CHRM3: variants seen among roughly 807,000 people sequenced by gnomAD.
CHRM3 encodes cholinergic receptor muscarinic 3.
CHRM3 carries 11 observed loss-of-function variants against 41.8 expected under a neutral mutation model. The ratio of observed to expected loss-of-function variants is 0.26; its 90% CI spans 0.17 to 0.44. The LOEUF is 0.44. Among genes scored for constraint, CHRM3 ranks in the 20% least tolerant of loss-of-function variants. CHRM3 has a pLI of 1.00. For missense variants in CHRM3, 571 were observed against 745.4 expected (o/e 0.77, Z 2.72); for synonymous variants, 297 against 301.4 (o/e 0.99, Z 0.15).
chr1:239,835,939 T>C (rs1386821318), intron 6 of CHRM3, among the ~76,000 whole-genome samples: 2 of 152,248 alleles, frequency 1.3e-5, no homozygotes, highest in Admixed American at 6.5e-5. Flanking sequence ...AGGATCCAAA[T>C]TGCCAACTTT....
chr1:239,707,067 A>G (rs1661262261), intron 5 of CHRM3: 1 of 152,208 alleles, frequency 6.6e-6, no homozygotes, highest in South Asian at 2.1e-4. Context: ...GAGCTCCACA[A>G]ACAATTTTCT....
rs142436022 is a variant in CHRM3 at position 239,820,673 on chromosome 1, G to A, written c.-146-6579G>A. The stretch of plus-strand genomic sequence containing the variant: ...CATATTTTGGGGTACTGGTTTGTGC[G>A]CCCCAGCAACAGGAAGATGCCATGT... On this transcript the variant is annotated intron_variant, in intron 5 of 6. Coordinates refer to ENST00000676153, the MANE Select transcript of CHRM3 (RefSeq NM_001375978.1). 5.4e-3 allele frequency among the ~76,000 whole-genome samples: 819 copies of A among 152,024 alleles called. 2 individuals are homozygous for A. Among genetic ancestry groups the A allele is most frequent in the Middle Eastern group, 0.014 (4 of 294 alleles).
At chr1:239,413,041 C>G (rs1156771392) in intron 1 of CHRM3, among the ~76,000 whole-genome samples, 1 of 151,560 alleles carries the variant, frequency 6.6e-6, no homozygotes, top group African/African-American at 2.4e-5. Flanking sequence ...TCCCGTCACT[C>G]CATTCCAGCC....
At chr1:239,397,659 G>A (rs950617125) in intron 1 of CHRM3, among the ~76,000 whole-genome samples, 12 of 148,870 alleles carry the variant, frequency 8.1e-5, no homozygotes, top group African/African-American at 2.9e-4. Flanking sequence ...GCAACAGAGC[G>A]AGACTCTGTC....
chr1:239,542,956 A>G (rs928109314), intron 2 of CHRM3, among the ~76,000 whole-genome samples: 5 of 152,136 alleles, frequency 3.3e-5, no homozygotes, highest in Non-Finnish European at 7.3e-5. Flanking sequence ...TTCGTTTTAC[A>G]TTTTTACCAT....
intron 6 of CHRM3, among the ~76,000 whole-genome samples, chr1:239,898,848 T>G (rs577108448): frequency 7.2e-5 from 11 of 152,304 alleles, no homozygotes; most frequent in African/African-American, 1.9e-4. Flanking sequence ...ATTTTTAAAT[T>G]TTTTAAATTT....
intron 4 of CHRM3, among the ~76,000 whole-genome samples, chr1:239,639,268 A>G (rs758463222): frequency 1.2e-4 from 18 of 152,030 alleles, no homozygotes; most frequent in Non-Finnish European, 1.9e-4. Context: ...GTTCCATATG[A>G]ACTTTAAAGT....
At chr1:239,412,915 TA>T (rs1255988261) in intron 1 of CHRM3, among the ~76,000 whole-genome samples, 2 of 151,624 alleles carry the variant, frequency 1.3e-5, no homozygotes, top group Non-Finnish European at 2.9e-5. Flanking sequence ...CCGTCTCTAC[TA>T]AAAATACAAA....
At chr1:239,596,219 A>C (rs562922916) in intron 3 of CHRM3, among the ~76,000 whole-genome samples, 1 of 152,314 alleles carries the variant, frequency 6.6e-6, no homozygotes, top group Admixed American at 6.5e-5. Flanking sequence ...CTTTACATGA[A>C]AGGCATTTAC....
intron 3 of CHRM3, among the ~76,000 whole-genome samples, chr1:239,577,884 C>T (rs1214762911): frequency 6.6e-6 from 1 of 152,062 alleles, no homozygotes; most frequent in Admixed American, 6.6e-5. Flanking sequence ...GGCAAGCATA[C>T]GGATCCCCCA....
intron 1 of CHRM3, among the ~76,000 whole-genome samples, chr1:239,451,417 A>G (rs925754720): frequency 2.0e-5 from 3 of 152,188 alleles, no homozygotes; most frequent in African/African-American, 7.2e-5. Flanking sequence ...GAGAGCTGAC[A>G]TCTCAGGGTG....
intron 5 of CHRM3, among the ~76,000 whole-genome samples, chr1:239,768,767 AT>A (rs34982165): frequency 0.71 from 101,012 of 142,730 alleles, 35,756 homozygotes; most frequent in Non-Finnish European, 0.74. Context: ...TTAAATGATA[AT>A]TTTTTTTTTT....
intron 6 of CHRM3, among the ~76,000 whole-genome samples, chr1:239,867,896 A>C (rs1227545569): frequency 6.6e-6 from 1 of 152,128 alleles, no homozygotes; most frequent in Non-Finnish European, 1.5e-5. Context: ...CAGTCCCCGG[A>C]AGTGACAGGC....
At chr1:239,849,632 A>G (rs1372036208) in intron 6 of CHRM3, among the ~76,000 whole-genome samples, 1 of 152,228 alleles carries the variant, frequency 6.6e-6, no homozygotes, top group Non-Finnish European at 1.5e-5. Context: ...AGCTAGTAGC[A>G]AAAGGTACAA....
At chr1:239,692,438 C>G (rs1659808489) in intron 5 of CHRM3, among the ~76,000 whole-genome samples, 1 of 152,084 alleles carries the variant, frequency 6.6e-6, no homozygotes, top group East Asian at 1.9e-4. Context: ...AAAGAAGGGA[C>G]TGTGTGTCTC....
chr1:239,859,819 TTATA>T lies in CHRM3; in HGVS notation c.-20+32470_-20+32473del, dbSNP rs55700294. The stretch of plus-strand genomic sequence containing the variant: ...AAATTATATATAAGTTCTAAGTGTT[TTATA>T]TATATATATATATATATATATATAT... On this transcript the variant is annotated intron_variant, in intron 6 of 6. Transcript: ENST00000676153. 5.5e-3 allele frequency among the ~76,000 whole-genome samples: 721 copies of T among 131,412 alleles called. 9 individuals are homozygous for T. Among genetic ancestry groups the T allele is most frequent in the African/African-American group, 0.02 (658 of 32,988 alleles). The allele number at this position is 131,412 out of a possible 152,430, so 86.2% of individuals were successfully genotyped here.
intron 5 of CHRM3, among the ~76,000 whole-genome samples, chr1:239,702,445 C>T (rs957407982): frequency 1.3e-5 from 2 of 152,200 alleles, no homozygotes. Flanking sequence ...TCTGAGCTAA[C>T]TTTCACAAAT....
intron 5 of CHRM3, among the ~76,000 whole-genome samples, chr1:239,800,898 G>A (rs1305489654): frequency 8.2e-5 from 2 of 24,510 alleles, no homozygotes; most frequent in Admixed American, 7.3e-4. Flanking sequence ...TAAGAAAAAT[G>A]TAAGGGATTT....
At chr1:239,486,131 G>A (rs1370407135) in intron 1 of CHRM3, among the ~76,000 whole-genome samples, 1 of 152,162 alleles carries the variant, frequency 6.6e-6, no homozygotes, top group Non-Finnish European at 1.5e-5. Flanking sequence ...CCACACACAG[G>A]TTCCCATCCT....
Sources: allele counts gnomAD v4.1 joint callset (sites outside exome capture counted in the v4.1 genomes callset), GRCh38; gene constraint gnomAD v4.1.1; transcripts MANE v1.5; gene names NCBI Gene and HGNC (gene_info 2026-07-23, HGNC 2026-07-21).